BLTP1: variants seen among roughly 807,000 people sequenced by gnomAD.
BLTP1 encodes bridge-like lipid transfer protein family member 1.
the BLTP1 span, among the ~76,000 whole-genome samples, chr4:122,232,989 C>T: frequency 6.6e-6 from 1 of 152,134 alleles, no homozygotes; most frequent in Non-Finnish European, 1.5e-5. Context: ...ACTGGAAGAG[C>T]TACTGAATAC....
At chr4:122,344,897 G>T in the BLTP1 span, 5 of 985,122 alleles carry the variant, frequency 5.1e-6, no homozygotes, top group Non-Finnish European at 6.0e-6. Context: ...ACTAAAACGG[G>T]ATGAGTGATG....
chr4:122,293,852 C>T, the BLTP1 span, among the ~76,000 whole-genome samples: 1 of 152,332 alleles, frequency 6.6e-6, no homozygotes, highest in South Asian at 2.1e-4. Flanking sequence ...GCCATCTCTG[C>T]AGTTCAAGTC....
the BLTP1 span, chr4:122,272,305 G>A: frequency 6.2e-7 from 1 of 1,613,222 alleles, no homozygotes. Flanking sequence ...GGATTGGCAT[G>A]GTGAACCGCA....
At chr4:122,201,856 G>T in the BLTP1 span, 8 of 984,288 alleles carry the variant, frequency 8.1e-6, no homozygotes, top group African/African-American at 1.4e-4. Context: ...TTGTGCAACA[G>T]TTGTTTTATA....
the BLTP1 span, chr4:122,259,934 A>C: frequency 5.5e-6 from 5 of 904,660 alleles, no homozygotes; most frequent in South Asian, 1.5e-4. Context: ...GTAAAATGAT[A>C]ATTTTGACAA....
the BLTP1 span, chr4:122,207,377 C>T: frequency 7.3e-7 from 1 of 1,377,180 alleles, no homozygotes; most frequent in East Asian, 2.4e-5. Context: ...TTATTTCCCC[C>T]CATTATCTTT....
chr4:122,192,033 G>A, the BLTP1 span: 1 of 168,618 alleles, frequency 5.9e-6, no homozygotes, highest in African/African-American at 2.4e-5. Flanking sequence ...TTTTAAAATT[G>A]CTAAATTTTA....
At chr4:122,311,503 G>T in the BLTP1 span, among the ~76,000 whole-genome samples, 5 of 151,934 alleles carry the variant, frequency 3.3e-5, no homozygotes, top group Non-Finnish European at 7.4e-5. Flanking sequence ...CAATATTTTT[G>T]AACAAAGGTG....
chr4:122,295,804 C>T, the BLTP1 span, among the ~76,000 whole-genome samples: 1 of 152,270 alleles, frequency 6.6e-6, no homozygotes, highest in South Asian at 2.1e-4. Context: ...AAATGCAACT[C>T]ATCACAGAAA....
chr4:122,305,668 C>T, the BLTP1 span: 1 of 941,632 alleles, frequency 1.1e-6, no homozygotes, highest in Non-Finnish European at 1.3e-6. Context: ...TAAAGTTTAT[C>T]TATGACTTCA....
At chr4:122,169,530 G>T in the BLTP1 span, 1 of 644,414 alleles carries the variant, frequency 1.6e-6, no homozygotes, top group Non-Finnish European at 1.9e-6. Flanking sequence ...TTATCGGTAG[G>T]TTGGGTTAGT....
the BLTP1 span, among the ~76,000 whole-genome samples, chr4:122,300,472 T>C: frequency 6.6e-6 from 1 of 152,198 alleles, no homozygotes; most frequent in African/African-American, 2.4e-5. Flanking sequence ...TGTCCTTGTC[T>C]CTCTTTTCTT....
At chr4:122,316,874 G>T in the BLTP1 span, 1 of 1,526,648 alleles carries the variant, frequency 6.6e-7, no homozygotes, top group Non-Finnish European at 8.9e-7. Flanking sequence ...TATGTACAAT[G>T]ATTTTTAATT....
chr4:122,185,521 C>A, the BLTP1 span: 1 of 742,232 alleles, frequency 1.3e-6, no homozygotes, highest in South Asian at 6.1e-5. Context: ...GTAATTATGT[C>A]TTTTATTTGA....
At chr4:122,338,723 T>G in the BLTP1 span, among the ~76,000 whole-genome samples, 2 of 152,090 alleles carry the variant, frequency 1.3e-5, no homozygotes, top group Non-Finnish European at 2.9e-5. Flanking sequence ...TATGCGGGTT[T>G]TTCATCCCAA....
chr4:122,213,702 A>C, the BLTP1 span, among the ~76,000 whole-genome samples: 1 of 152,184 alleles, frequency 6.6e-6, no homozygotes, highest in Non-Finnish European at 1.5e-5. Flanking sequence ...TCTAAGAAGA[A>C]TATGTCTACT....
At chr4:122,189,358 AT>A in the BLTP1 span, 9 of 983,096 alleles carry the variant, frequency 9.2e-6, no homozygotes, top group Non-Finnish European at 1.1e-5. Context: ...GCAAGCAAAG[AT>A]TAATGGTTTC....
chr4:122,346,568 T>G, the BLTP1 span: 1 of 1,581,698 alleles, frequency 6.3e-7, no homozygotes, highest in Non-Finnish European at 8.6e-7. Flanking sequence ...ACCTACCATG[T>G]GAAAACATTA....
the BLTP1 span, chr4:122,251,229 G>A: frequency 1.6e-4 from 126 of 767,544 alleles, no homozygotes; most frequent in Non-Finnish European, 2.0e-4. Context: ...TAATACATAT[G>A]AAGGGCTTAG....
Sources: allele counts gnomAD v4.1 joint callset (sites outside exome capture counted in the v4.1 genomes callset), GRCh38; gene constraint gnomAD v4.1.1; transcripts MANE v1.5; gene names NCBI Gene and HGNC (gene_info 2026-07-23, HGNC 2026-07-21).